Variants in RBM33 observed in about 807,000 individuals in gnomAD.
RBM33 encodes RNA binding motif protein 33.
RBM33 carries 28 observed loss-of-function variants against 132.6 expected under a neutral mutation model. The observed-to-expected ratio is 0.21, with a 90% confidence interval of 0.16 to 0.29. The LOEUF is 0.29. Ranked by LOEUF, RBM33 falls within the 10% of genes least tolerant of loss-of-function variation. The pLI is 1.00. For missense variants in RBM33, 1,291 were observed against 1,518.5 expected (o/e 0.85, Z 2.49); for synonymous variants, 634 against 593.0 (o/e 1.07, Z -1.01).
At chr7:155,729,765 T>C (rs1800901704) in intron 9 of RBM33, among the ~76,000 whole-genome samples, 2 of 151,214 alleles carry the variant, frequency 1.3e-5, no homozygotes, top group African/African-American at 4.9e-5. Flanking sequence ...AAAAAAATTC[T>C]GTCATACATG....
rs763943439 is a variant in RBM33 at position 155,711,372 on chromosome 7, C to G, written c.1118C>G (p.Thr373Ser). Residue 373 changes from threonine (T) to serine (S), a missense_variant, in exon 8 of 18, where the codon ACC becomes AGC. By Grantham distance (58) the Thr-to-Ser change is moderately conservative. Coordinates refer to ENST00000401878, the MANE Select transcript of RBM33 (RefSeq NM_053043.3). ...CTAGAGACCCCAAGGATGATGATGACCCCGCCACCCGTGACTCCACAGCAG... is the reference window on the plus strand; with the variant it reads ...CTAGAGACCCCAAGGATGATGATGAGCCCGCCACCCGTGACTCCACAGCAG... ...PQLETPRMMM[T>S]PPPVTPQQPK... The G allele has an allele frequency of 6.3e-7, 1 of 1,588,584 alleles. No homozygotes were observed. Among genetic ancestry groups the G allele is most frequent in the Non-Finnish European group, 8.6e-7 (1 of 1,167,704 alleles).
At chr7:155,654,294 C>G (rs1434447096) in intron 1 of RBM33, among the ~76,000 whole-genome samples, 4 of 152,142 alleles carry the variant, frequency 2.6e-5, no homozygotes, top group Non-Finnish European at 4.4e-5. Context: ...ATTCTCCCTT[C>G]TGTTTCTTCA....
At position 155,739,801 on chromosome 7, in the gene RBM33, G is replaced by A. The variant is rs1478936610; in HGVS notation, c.1824G>A (p.Pro608=). 13 of 1,446,822 alleles carry A rather than the reference G, an allele frequency of 9.0e-6. No homozygotes were observed. Among genetic ancestry groups the A allele is most frequent in the African/African-American group, 1.6e-5 (1 of 63,560 alleles). 89.6% of individuals were successfully genotyped at this position (1,446,822 alleles called of 1,614,324 possible). A position where few individuals can be genotyped will look rare whatever the true frequency, so the allele number is the denominator to read the frequency against. ...AGCCCCCGCCACAGCACCAGCCTCC[G>A]CACCAGCCCCCGCACCAGCCCCCGC... ...QQQPPPQHQP[P]HQPPHQPPPQ... is the part of the protein sequence containing the mutation. The change falls in exon 12 of 18, where the codon CCG becomes CCA. Residue 608 remains proline (P), a synonymous_variant. Transcript: ENST00000401878.
chr7:155,728,158 C>A (rs1437192026), intron 9 of RBM33, among the ~76,000 whole-genome samples: 1 of 152,130 alleles, frequency 6.6e-6, no homozygotes, highest in Non-Finnish European at 1.5e-5. Flanking sequence ...GCCCTCTTTT[C>A]TTATCCTGCT....
At position 155,777,202 on chromosome 7, in the gene RBM33, A is replaced by T. The variant is rs1802642330; in HGVS notation, c.*2161A>T. On this transcript the variant is annotated 3_prime_UTR_variant, in exon 18 of 18. Transcript: ENST00000401878. ...GTTTGGGCCTTCATTGTTAAGGTGG[A>T]CTTCATGGCCACTGGAAGGTCTGTT... is the stretch of plus-strand genomic sequence containing the variant. 1 of 152,562 alleles carries T rather than the reference A, an allele frequency of 6.6e-6. No homozygotes were observed. Among genetic ancestry groups the T allele is most frequent in the Admixed American group, 6.5e-5 (1 of 15,270 alleles). The allele number at this position is 152,562 out of a possible 1,614,324, so 9.5% of individuals were successfully genotyped here. A position where few individuals can be genotyped will look rare whatever the true frequency, so the allele number is the denominator to read the frequency against.
chr7:155,660,148 A>G (rs1271984452), intron 1 of RBM33, among the ~76,000 whole-genome samples: 1 of 152,150 alleles, frequency 6.6e-6, no homozygotes, highest in Non-Finnish European at 1.5e-5. Context: ...TAGCTGACTG[A>G]CTACACCCTC....
chr7:155,655,137 T>C (rs1453700244), intron 1 of RBM33, among the ~76,000 whole-genome samples: 1 of 152,238 alleles, frequency 6.6e-6, no homozygotes, highest in East Asian at 1.9e-4. Flanking sequence ...TGTAGCAGTT[T>C]GGCTTATATC....
intron 2 of RBM33, 111 bp downstream of exon 2, chr7:155,665,364 C>T: frequency 4.4e-6 from 4 of 898,928 alleles, no homozygotes; most frequent in South Asian, 4.2e-5. Flanking sequence ...CTGGCGCTCT[C>T]TCTTGAGTGG....
chr7:155,745,010 A>G lies in RBM33; in HGVS notation c.2387A>G (p.Glu796Gly). 1 of 1,604,376 alleles carries G rather than the reference A, an allele frequency of 6.2e-7. No homozygotes were observed. The highest frequency in any genetic ancestry group is 8.5e-7 in the Non-Finnish European group (1 of 1,177,186). The change falls in exon 14 of 18, where the codon GAA (glutamate) becomes GGA (glycine). Residue 796 changes from glutamate to glycine, a missense_variant. Physicochemically the swap from Glu to Gly is moderately conservative, Grantham distance 98 (BLOSUM62 -2). This residue lies in a region of RBM33 where 841 missense variants were observed against 912.0 expected (regional missense o/e 0.92). Transcript: ENST00000401878. This position sits in a 1 kb window ranked among gnomAD's most constrained non-coding sequence, Gnocchi z 4.1. The stretch of plus-strand genomic sequence containing the variant: ...AGGTTATATCGCTTAAAGATAGAAG[A>G]ACAGAAACGCCTAAGAGAAGAAATC... ...ETRLYRLKIE[E>G]QKRLREEILK...
chr7:155,683,572 G>A (rs1442264587), intron 5 of RBM33, among the ~76,000 whole-genome samples: 2 of 152,194 alleles, frequency 1.3e-5, no homozygotes, highest in South Asian at 2.1e-4. Context: ...AGGGTTTGCT[G>A]TTCCCTATGA....
intron 5 of RBM33, among the ~76,000 whole-genome samples, chr7:155,681,323 ATGTCCTG>A (rs1245029955): frequency 6.6e-6 from 1 of 152,220 alleles, no homozygotes; most frequent in African/African-American, 2.4e-5. Context: ...AGAGTGATTG[ATGTCCTG>A]TTCATTCATC....
intron 5 of RBM33, among the ~76,000 whole-genome samples, chr7:155,687,149 T>C (rs1342425613): frequency 2.6e-5 from 4 of 152,182 alleles, no homozygotes; most frequent in Non-Finnish European, 4.4e-5. Context: ...CTGTTGTTTC[T>C]TGACTTTTTA....
intron 1 of RBM33, among the ~76,000 whole-genome samples, chr7:155,647,786 T>C (rs1258541466): frequency 6.6e-6 from 1 of 152,182 alleles, no homozygotes; most frequent in Admixed American, 6.5e-5. Flanking sequence ...ATGGAATTGC[T>C]ATCCTTACTA....
chr7:155,706,467 C>T (rs1037087897), intron 6 of RBM33, among the ~76,000 whole-genome samples: 2 of 151,268 alleles, frequency 1.3e-5, no homozygotes, highest in Admixed American at 6.6e-5. Context: ...GTGCTCTAGC[C>T]AGGGCAACAA....
chr7:155,735,094 G>A (rs1348059784), intron 9 of RBM33, among the ~76,000 whole-genome samples: 2 of 152,172 alleles, frequency 1.3e-5, no homozygotes, highest in African/African-American at 4.8e-5. Flanking sequence ...GTCTGTATAT[G>A]TCAGAATCAT....
At chr7:155,722,303 C>T (rs1800652276) in intron 9 of RBM33, among the ~76,000 whole-genome samples, 1 of 152,198 alleles carries the variant, frequency 6.6e-6, no homozygotes, top group Non-Finnish European at 1.5e-5. Flanking sequence ...TAACCATCTA[C>T]TAGTCCATTT....
At chr7:155,770,956 A>C (rs1802407782) in intron 16 of RBM33, among the ~76,000 whole-genome samples, 1 of 152,186 alleles carries the variant, frequency 6.6e-6, no homozygotes, top group Non-Finnish European at 1.5e-5. Flanking sequence ...TTTAACTTGC[A>C]TTTGCTACTT....
intron 1 of RBM33, among the ~76,000 whole-genome samples, chr7:155,652,522 G>A (rs1301318303): frequency 2.0e-5 from 3 of 152,180 alleles, no homozygotes; most frequent in Non-Finnish European, 4.4e-5. Context: ...CCAAGTCGAG[G>A]ATTCTGGAAA....
At chr7:155,670,461 G>A (rs887561410) in intron 2 of RBM33, among the ~76,000 whole-genome samples, 4 of 152,198 alleles carry the variant, frequency 2.6e-5, no homozygotes, top group Admixed American at 1.3e-4. Flanking sequence ...TACATCCTTT[G>A]TGAGGGTCCA....
Sources: gnomAD v4.1 joint callset for allele counts (sites outside exome capture counted in the v4.1 genomes callset) on GRCh38, gnomAD v4.1.1 for gene constraint, gnomAD v4.1.1 regional missense constraint, Gnocchi (gnomAD v3.1) non-coding constraint, MANE v1.5 for transcripts, NCBI Gene and HGNC (gene_info 2026-07-23, HGNC 2026-07-21) for gene names.